SUSD6: variants seen among roughly 807,000 people sequenced by gnomAD.
SUSD6 encodes the protein sushi domain containing 6, also known as sushi domain-containing protein 6.
In SUSD6, 16 loss-of-function variants were observed where a neutral mutation model predicts 28.4. That is an observed-to-expected ratio of 0.56 (90% CI 0.38 to 0.86). The LOEUF is 0.86. Ranked by LOEUF, SUSD6 falls within the 40% of genes least tolerant of loss-of-function variation. The pLI, the probability that SUSD6 is intolerant of heterozygous loss-of-function variation, is 0.00. For missense variants in SUSD6, 341 were observed against 384.2 expected, an observed-to-expected ratio of 0.89 and a Z score of 0.94; for synonymous variants, 147 against 159.6, an observed-to-expected ratio of 0.92 and a Z score of 0.59.
chr14:69,659,044 GC>G (rs772593463), intron 2 of SUSD6, among the ~76,000 whole-genome samples: 6 of 152,154 alleles, frequency 3.9e-5, no homozygotes, highest in Non-Finnish European at 7.3e-5. Context: ...TGTGTTCAGT[GC>G]CCATTCTCAC....
chr14:69,618,894 C>T (rs1028065247), intron 1 of SUSD6, among the ~76,000 whole-genome samples: 2 of 152,178 alleles, frequency 1.3e-5, no homozygotes, highest in Admixed American at 6.5e-5. Context: ...TACCAAAACT[C>T]CCAGCACAAC....
intron 2 of SUSD6, among the ~76,000 whole-genome samples, chr14:69,702,538 G>A (rs1886327182): frequency 6.6e-6 from 1 of 152,198 alleles, no homozygotes; most frequent in South Asian, 2.1e-4. Flanking sequence ...AGGGCAAAGG[G>A]GAGGTAACCT....
intron 1 of SUSD6, among the ~76,000 whole-genome samples, chr14:69,631,506 T>C (rs777581150): frequency 5.3e-5 from 8 of 152,224 alleles, no homozygotes; most frequent in Non-Finnish European, 8.8e-5. Flanking sequence ...TTGTTTTGTT[T>C]TGTTTTGCCT....
chr14:69,617,160 TACC>T (rs1884971460), intron 1 of SUSD6: 2 of 152,262 alleles, frequency 1.3e-5, no homozygotes, highest in Admixed American at 1.3e-4. Flanking sequence ...TGTATTGATA[TACC>T]ACATTTTGTT....
intron 2 of SUSD6, among the ~76,000 whole-genome samples, chr14:69,680,097 A>G (rs996206248): frequency 3.9e-5 from 6 of 152,148 alleles, no homozygotes. Context: ...CTCCTTAAGA[A>G]TGGTGTACAC....
chr14:69,707,203 C>T (rs1361610229), intron 4 of SUSD6, among the ~76,000 whole-genome samples: 1 of 152,076 alleles, frequency 6.6e-6, no homozygotes, highest in Non-Finnish European at 1.5e-5. Context: ...TATTGTATTA[C>T]ACCAATGTTA....
chr14:69,689,000 A>G (rs947637189), intron 2 of SUSD6, among the ~76,000 whole-genome samples: 2 of 152,174 alleles, frequency 1.3e-5, no homozygotes. Flanking sequence ...AACATTTGCT[A>G]ACTTCTCCGT....
chr14:69,704,588 T>C lies in SUSD6; in HGVS notation c.320-16T>C, dbSNP rs746568906. ...TTTGGGTACAAAACCCTTCTGATGA[T>C]GGCTTGTTTTTATAGATAAAGACAC... On this transcript the variant is annotated splice_polypyrimidine_tract_variant and intron_variant, in intron 3 of 5. Transcript: ENST00000342745. The C allele has an allele frequency of 4.4e-6, 7 of 1,606,810 alleles. No individual in the cohort carries two copies. Among genetic ancestry groups the C allele is most frequent in the Non-Finnish European group, 5.9e-6 (7 of 1,177,012 alleles).
At chr14:69,628,719 G>GTTTTT (rs11357371) in intron 1 of SUSD6, among the ~76,000 whole-genome samples, 1 of 120,352 alleles carries the variant, frequency 8.3e-6, no homozygotes. Context: ...CCTGTGGTGG[G>GTTTTT]TTTTTTTTTT....
At chr14:69,650,407 C>T (rs1335426191) in intron 1 of SUSD6, among the ~76,000 whole-genome samples, 1 of 152,138 alleles carries the variant, frequency 6.6e-6, no homozygotes, top group Non-Finnish European at 1.5e-5. Context: ...CCCAATTGCC[C>T]TAGACCACCC....
intron 2 of SUSD6, among the ~76,000 whole-genome samples, chr14:69,671,125 T>A (rs533403081): frequency 6.6e-5 from 10 of 152,236 alleles, no homozygotes; most frequent in African/African-American, 1.9e-4. Context: ...CCTGGCTGAA[T>A]TGTCAGAATT....
At chr14:69,651,705 G>C (rs1431273563) in intron 1 of SUSD6, among the ~76,000 whole-genome samples, 4 of 152,156 alleles carry the variant, frequency 2.6e-5, no homozygotes, top group African/African-American at 9.7e-5. Context: ...CTGAATTTTG[G>C]GGGGTAGGAG....
Position 69,713,283 on chromosome 14 carries a change from A to C in SUSD6, c.*2304A>C, listed in dbSNP as rs1886495184. ...GCCTCTTTCCGCCCTGCCCTCCACT[A>C]ACAACACTGAGGAGCACAAGCCCAG... is the stretch of plus-strand genomic sequence containing the variant. On this transcript the variant is annotated 3_prime_UTR_variant, in exon 6 of 6. Transcript: ENST00000342745. The C allele has an allele frequency of 1.3e-5, 2 of 152,266 alleles. No individual in the cohort carries two copies. Among genetic ancestry groups the C allele is most frequent in the African/African-American group, 2.4e-5 (1 of 41,442 alleles). The allele number at this position is 152,266 out of a possible 1,614,324, so 9.4% of individuals were successfully genotyped here. A position where few individuals can be genotyped will look rare whatever the true frequency, so the allele number is the denominator to read the frequency against.
At chr14:69,693,996 A>G (rs1184175498) in intron 2 of SUSD6, among the ~76,000 whole-genome samples, 1 of 152,266 alleles carries the variant, frequency 6.6e-6, no homozygotes, top group Non-Finnish European at 1.5e-5. Context: ...AGTTGAAAAC[A>G]AGACAGTGTT....
At chr14:69,692,796 C>A (rs1048099501) in intron 2 of SUSD6, among the ~76,000 whole-genome samples, 2 of 152,140 alleles carry the variant, frequency 1.3e-5, no homozygotes, top group African/African-American at 4.8e-5. Flanking sequence ...AGCCAGACTC[C>A]TAAGTCAGTT....
chr14:69,689,458 C>G (rs1216401527), intron 2 of SUSD6, among the ~76,000 whole-genome samples: 1 of 152,160 alleles, frequency 6.6e-6, no homozygotes, highest in Non-Finnish European at 1.5e-5. Context: ...GTAGATATTA[C>G]TATTATTTTA....
intron 5 of SUSD6, 133 bp from the exon 6 acceptor site, chr14:69,710,821 G>A: frequency 2.4e-6 from 2 of 817,218 alleles, no homozygotes; most frequent in Non-Finnish European, 4.1e-6. Flanking sequence ...CTACCTAGAA[G>A]TGTATGAGTG....
chr14:69,700,045 G>A (rs1261089705), intron 2 of SUSD6, among the ~76,000 whole-genome samples: 1 of 152,044 alleles, frequency 6.6e-6, no homozygotes, highest in Non-Finnish European at 1.5e-5. Context: ...TACTGTACAC[G>A]TGGTGACAAA....
At chr14:69,685,014 G>A (rs1261658903) in intron 2 of SUSD6, among the ~76,000 whole-genome samples, 13 of 152,234 alleles carry the variant, frequency 8.5e-5, no homozygotes, top group Admixed American at 8.5e-4. Context: ...CCCTTAAACA[G>A]GCCTGACTTT....
Sources: allele counts gnomAD v4.1 joint callset (sites outside exome capture counted in the v4.1 genomes callset), GRCh38; gene constraint gnomAD v4.1.1; transcripts MANE v1.5; gene names NCBI Gene and HGNC (gene_info 2026-07-23, HGNC 2026-07-21).